COL24A1: variants seen among roughly 807,000 people sequenced by gnomAD.
COL24A1 encodes collagen type XXIV alpha 1 chain.
COL24A1 carries 224 observed loss-of-function variants against 253.9 expected under a neutral mutation model. The observed-to-expected ratio is 0.88, with a 90% confidence interval of 0.79 to 0.99. The LOEUF (loss-of-function observed/expected upper bound fraction) is 0.99. COL24A1 is among the 50% of genes least tolerant of loss of function. COL24A1 has a pLI of 0.00. For missense variants in COL24A1, 2,131 were observed against 2,068.5 expected (o/e 1.03, Z -0.59); for synonymous variants, 685 against 673.7 (o/e 1.02, Z -0.26).
chr1:86,069,549 A>G (rs1430524708), intron 7 of COL24A1, among the ~76,000 whole-genome samples: 2 of 152,140 alleles, frequency 1.3e-5, no homozygotes, highest in African/African-American at 4.8e-5. Context: ...TATGAAGGGA[A>G]GGGCTTTGGG....
intron 34 of COL24A1, among the ~76,000 whole-genome samples, chr1:85,874,929 G>C (rs1456847498): frequency 1.3e-5 from 2 of 152,206 alleles, no homozygotes; most frequent in African/African-American, 2.4e-5. Context: ...GATTCTCATA[G>C]AAACACGAAC....
At chr1:85,924,506 C>T (rs1423486566) in intron 24 of COL24A1, among the ~76,000 whole-genome samples, 1 of 152,186 alleles carries the variant, frequency 6.6e-6, no homozygotes, top group Non-Finnish European at 1.5e-5. Flanking sequence ...GGATGCAAGG[C>T]TGGTTCAACA....
At chr1:85,783,330 T>C (rs558347877) in intron 51 of COL24A1, among the ~76,000 whole-genome samples, 166 bp downstream of exon 51, 39 of 151,974 alleles carry the variant, frequency 2.6e-4, no homozygotes, top group Non-Finnish European at 5.1e-4. Context: ...CTCAAACTAA[T>C]ATATGAACTG....
At chr1:86,104,920 G>T (rs956088927) in intron 5 of COL24A1, among the ~76,000 whole-genome samples, 1 of 152,232 alleles carries the variant, frequency 6.6e-6, no homozygotes, top group African/African-American at 2.4e-5. Context: ...CTCCATGCAG[G>T]TATTTACAGC....
At chr1:86,032,060 C>T in intron 13 of COL24A1, 138 bp from the exon 14 acceptor site, 1 of 608,132 alleles carries the variant, frequency 1.6e-6, no homozygotes, top group Non-Finnish European at 2.8e-6. Context: ...CTGAAACTCC[C>T]CTAATCTATG....
Position 85,947,006 on chromosome 1 carries a change from C to A in COL24A1, c.2562+14243G>T, listed in dbSNP as rs570980293. On this transcript the variant is annotated intron_variant, in intron 24 of 59. Transcript: ENST00000370571. ...AAAGGGATAATTCTGAGTTTCGAAA[C>A]CTTAGGATTAGATGAGATATTAAAT... 1.3e-4 allele frequency among the ~76,000 whole-genome samples: 20 copies of A among 152,244 alleles called. No homozygotes were observed. The South Asian group carries it at 3.1e-3, about 24-fold the overall frequency.
intron 28 of COL24A1, among the ~76,000 whole-genome samples, chr1:85,897,210 A>G (rs1185787981): frequency 6.6e-6 from 1 of 152,166 alleles, no homozygotes; most frequent in Non-Finnish European, 1.5e-5. Context: ...ATGATAACAC[A>G]TGGACACATG....
At chr1:86,132,048 A>G (rs1649313715) in intron 2 of COL24A1, among the ~76,000 whole-genome samples, 1 of 152,136 alleles carries the variant, frequency 6.6e-6, no homozygotes, top group Non-Finnish European at 1.5e-5. Flanking sequence ...CTTTTTAATG[A>G]TCACCATTCT....
In COL24A1 at chr1:85,828,736, C is replaced by T. The variant is rs541502881; in HGVS notation, c.3682-4998G>A. Reference sequence around the variant, plus strand: ...TTAAAGTCTGTTTTATCAGAGACTACGATTGCAACCCCTGCCTTTTTTTGT... The same window carrying T: ...TTAAAGTCTGTTTTATCAGAGACTATGATTGCAACCCCTGCCTTTTTTTGT... On this transcript the variant is annotated intron_variant, in intron 43 of 59. Coordinates refer to ENST00000370571, the MANE Select transcript of COL24A1 (RefSeq NM_152890.7). 6.5e-5 allele frequency among the ~76,000 whole-genome samples: 6 copies of T among 91,746 alleles called. No homozygotes were observed. The South Asian group carries it at 1.6e-3, about 24-fold the overall frequency. 60.2% of individuals were successfully genotyped at this position (91,746 alleles called of 152,430 possible). A position where few individuals can be genotyped will look rare whatever the true frequency, so the allele number is the denominator to read the frequency against.
chr1:86,055,557 A>G (rs191810350), intron 10 of COL24A1, among the ~76,000 whole-genome samples: 1 of 152,354 alleles, frequency 6.6e-6, no homozygotes, highest in East Asian at 1.9e-4. Context: ...CAGTAAGAGT[A>G]AGTTGTACAG....
At position 85,808,990 on chromosome 1, in the gene COL24A1, C is replaced by T. The variant is rs181118954; in HGVS notation, c.3951+7798G>A. On this transcript the variant is annotated intron_variant, in intron 47 of 59. Coordinates refer to ENST00000370571, the MANE Select transcript of COL24A1 (RefSeq NM_152890.7). ...AAACTGTCCTTGTGTGCTGAGTCTC[C>T]CTCTGGATGGGGCCACAGGATCAGT... Among the ~76,000 whole-genome samples the T allele has an allele frequency of 2.2e-3, 335 of 152,202 alleles. 4 individuals are homozygous for T. The highest frequency in any genetic ancestry group is 7.7e-3 in the African/African-American group (321 of 41,520).
intron 19 of COL24A1, among the ~76,000 whole-genome samples, chr1:86,015,812 T>G (rs1438579029): frequency 6.6e-6 from 1 of 152,068 alleles, no homozygotes. Flanking sequence ...AATATACTAC[T>G]GTATTTTACT....
At chr1:85,925,060 C>G (rs946496024) in intron 24 of COL24A1, among the ~76,000 whole-genome samples, 1 of 152,162 alleles carries the variant, frequency 6.6e-6, no homozygotes, top group Admixed American at 6.5e-5. Context: ...CATGAGTGAA[C>G]TCTCATTCAC....
chr1:85,927,934 A>C (rs1258375266), intron 24 of COL24A1, among the ~76,000 whole-genome samples: 3 of 133,256 alleles, frequency 2.3e-5, no homozygotes, highest in Non-Finnish European at 4.8e-5. Context: ...CCATCTGTAC[A>C]TCACCATCAT....
chr1:85,943,976 G>A (rs1468561957), intron 24 of COL24A1, among the ~76,000 whole-genome samples: 4 of 152,226 alleles, frequency 2.6e-5, no homozygotes, highest in Admixed American at 1.3e-4. Context: ...AATGCTGACA[G>A]TGTGTGCAGG....
At chr1:86,030,766 G>T (rs1048447014) in intron 14 of COL24A1, among the ~76,000 whole-genome samples, 166 of 113,764 alleles carry the variant, frequency 1.5e-3, no homozygotes, top group South Asian at 4.9e-3. Context: ...TTTTTTTTTT[G>T]TTGTTGTTGT....
intron 24 of COL24A1, among the ~76,000 whole-genome samples, chr1:85,949,175 T>G (rs1486105360): frequency 1.3e-5 from 2 of 152,200 alleles, no homozygotes; most frequent in Non-Finnish European, 2.9e-5. Flanking sequence ...TGTCACTTTT[T>G]CATTCAACAA....
intron 35 of COL24A1, among the ~76,000 whole-genome samples, chr1:85,870,491 A>G (rs1398312965): frequency 6.6e-6 from 1 of 152,228 alleles, no homozygotes; most frequent in Non-Finnish European, 1.5e-5. Context: ...AATTATAACA[A>G]ACTGTCTCTC....
chr1:85,999,255 A>G (rs980019559), intron 19 of COL24A1, among the ~76,000 whole-genome samples: 2 of 152,138 alleles, frequency 1.3e-5, no homozygotes, highest in Non-Finnish European at 2.9e-5. Context: ...AGTACAGGGA[A>G]ATAAGTTCAA....
Sources: allele counts gnomAD v4.1 joint callset (sites outside exome capture counted in the v4.1 genomes callset), GRCh38; gene constraint gnomAD v4.1.1; transcripts MANE v1.5; gene names NCBI Gene and HGNC (gene_info 2026-07-23, HGNC 2026-07-21).